Variants in EDIL3 observed in about 807,000 individuals in gnomAD.
The protein encoded by EDIL3 is EGF-like repeat and discoidin I-like domain-containing protein 3.
Under a neutral mutation model 67.4 loss-of-function variants are expected in EDIL3, and 37 were observed. The ratio of observed to expected loss-of-function variants is 0.55; its 90% CI spans 0.42 to 0.72. The LOEUF is 0.72. Ranked by LOEUF, EDIL3 falls within the 30% of genes least tolerant of loss-of-function variation. The pLI is 0.00. For missense variants in EDIL3, 527 were observed against 586.3 expected (o/e 0.90, Z 1.04); for synonymous variants, 195 against 196.3 (o/e 0.99, Z 0.05).
chr5:84,094,319 T>C (rs1235326473), intron 6 of EDIL3, among the ~76,000 whole-genome samples: 1 of 152,132 alleles, frequency 6.6e-6, no homozygotes, highest in Non-Finnish European at 1.5e-5. Context: ...GAAAAAGAAA[T>C]ATATTAATGT....
intron 3 of EDIL3, among the ~76,000 whole-genome samples, chr5:84,209,491 C>T (rs1237889443): frequency 6.6e-6 from 1 of 152,054 alleles, no homozygotes; most frequent in South Asian, 2.1e-4. Context: ...TTATTTAATA[C>T]CTTCCTTCTC....
At chr5:84,032,365 C>T (rs1745939049) in intron 9 of EDIL3, among the ~76,000 whole-genome samples, 1 of 152,150 alleles carries the variant, frequency 6.6e-6, no homozygotes, top group Non-Finnish European at 1.5e-5. Flanking sequence ...ACTATTAAAT[C>T]TTATTTGACA....
chr5:84,190,824 G>C (rs2112367547), intron 3 of EDIL3, among the ~76,000 whole-genome samples: 1 of 151,480 alleles, frequency 6.6e-6, no homozygotes, highest in East Asian at 1.9e-4. Flanking sequence ...GATCTCTTTT[G>C]TCTCCCTCAC....
chr5:84,208,339 C>A (rs1313280141), intron 3 of EDIL3, among the ~76,000 whole-genome samples: 1 of 152,084 alleles, frequency 6.6e-6, no homozygotes, highest in African/African-American at 2.4e-5. Flanking sequence ...AAATCAAAAC[C>A]ACAATGAGAT....
At chr5:84,076,791 C>T (rs1449089600) in intron 6 of EDIL3, among the ~76,000 whole-genome samples, 1 of 152,156 alleles carries the variant, frequency 6.6e-6, no homozygotes, top group Non-Finnish European at 1.5e-5. Flanking sequence ...AAGACAATAT[C>T]TGCCTGATAC....
chr5:84,104,948 G>C (rs141258724), intron 6 of EDIL3, among the ~76,000 whole-genome samples: 36 of 152,082 alleles, frequency 2.4e-4, no homozygotes, highest in African/African-American at 7.9e-4. Context: ...TGAAGCTCAC[G>C]AACATAATTT....
chr5:83,977,713 G>T (rs1332211769), intron 9 of EDIL3, among the ~76,000 whole-genome samples: 3 of 151,648 alleles, frequency 2.0e-5, no homozygotes, highest in Non-Finnish European at 1.5e-5. Context: ...GCATAAAGAT[G>T]TTTATATTAA....
At chr5:84,081,238 C>G (rs1036911804) in intron 6 of EDIL3, among the ~76,000 whole-genome samples, 4 of 152,096 alleles carry the variant, frequency 2.6e-5, no homozygotes, top group Admixed American at 2.0e-4. Flanking sequence ...CTCTTGGTAC[C>G]AGCTGTTAGA....
At chr5:84,121,907 C>A (rs1411183428) in intron 5 of EDIL3, among the ~76,000 whole-genome samples, 4 of 151,956 alleles carry the variant, frequency 2.6e-5, no homozygotes, top group African/African-American at 9.7e-5. Context: ...TAAATTCTTC[C>A]AAACAACAGT....
chr5:84,360,174 G>T (rs1183056275), intron 1 of EDIL3, among the ~76,000 whole-genome samples: 1 of 152,162 alleles, frequency 6.6e-6, no homozygotes, highest in East Asian at 1.9e-4. Flanking sequence ...ATTTGAAGGA[G>T]AGTGGTTAAA....
intron 9 of EDIL3, among the ~76,000 whole-genome samples, chr5:84,050,197 C>CAAAAAA (rs11335643): frequency 2.6e-4 from 16 of 60,820 alleles, no homozygotes; most frequent in East Asian, 4.8e-4. Context: ...AACTCCATCT[C>CAAAAAA]AAAAAAAAAA....
rs749580270 is a variant in EDIL3, at chr5:84,064,815, A to C, written c.837T>G (p.Thr279=). 4.0e-5 allele frequency: 65 copies of C among 1,612,662 alleles called. 1 individual carries two copies. In the Middle Eastern group the frequency reaches 6.6e-4, roughly 16 times the overall value. ...MVFRGNIDNN[T]PYANSFTPPI... The stretch of plus-strand genomic sequence containing the variant: ...GGGGTGTGAAAGAGTTAGCATATGG[A>C]GTGTTGTTATCAATGTTTCCACGAA... The change falls in exon 8 of 11, where the codon ACT becomes ACG. Residue 279 remains threonine (T), a synonymous_variant. Coordinates refer to ENST00000296591, the MANE Select transcript of EDIL3 (RefSeq NM_005711.5).
At chr5:83,970,481 T>C (rs1561389157) in intron 9 of EDIL3, among the ~76,000 whole-genome samples, 1 of 148,750 alleles carries the variant, frequency 6.7e-6, no homozygotes, top group East Asian at 2.0e-4. Context: ...ACTGTTTTCA[T>C]GATTGCATAT....
intron 9 of EDIL3, among the ~76,000 whole-genome samples, chr5:83,998,469 T>C (rs770128458): frequency 6.6e-6 from 1 of 152,156 alleles, no homozygotes; most frequent in East Asian, 1.9e-4. Context: ...CATTGGGTGA[T>C]ACCTAGTACC....
chr5:84,071,735 C>T (rs1037756182), intron 6 of EDIL3, among the ~76,000 whole-genome samples: 11 of 152,142 alleles, frequency 7.2e-5, no homozygotes, highest in Admixed American at 2.0e-4. Flanking sequence ...ATTCTAGAGA[C>T]GCAAGAAATA....
At chr5:84,172,289 A>C (rs1748825381) in intron 4 of EDIL3, among the ~76,000 whole-genome samples, 1 of 152,178 alleles carries the variant, frequency 6.6e-6, no homozygotes, top group Non-Finnish European at 1.5e-5. Context: ...CAGTTTTTGA[A>C]GTGAATTCTT....
chr5:84,103,657 C>T (rs1019738562), intron 6 of EDIL3, among the ~76,000 whole-genome samples: 12 of 151,850 alleles, frequency 7.9e-5, no homozygotes, highest in African/African-American at 2.4e-4. Flanking sequence ...GCAAATGAAA[C>T]CACAATTAGA....
intron 9 of EDIL3, among the ~76,000 whole-genome samples, chr5:84,042,292 T>C (rs1291656800): frequency 1.3e-5 from 2 of 152,058 alleles, no homozygotes; most frequent in Non-Finnish European, 2.9e-5. Context: ...TGGAAATTTT[T>C]TTTTTTTTGA....
At chr5:84,213,352 G>A (rs916437177) in intron 3 of EDIL3, among the ~76,000 whole-genome samples, 1 of 152,082 alleles carries the variant, frequency 6.6e-6, no homozygotes, top group African/African-American at 2.4e-5. Context: ...CTTGGTAGCT[G>A]AGTACTTGCA....
Sources: allele counts gnomAD v4.1 joint callset (sites outside exome capture counted in the v4.1 genomes callset), GRCh38; gene constraint gnomAD v4.1.1; transcripts MANE v1.5; gene names NCBI Gene and HGNC (gene_info 2026-07-23, HGNC 2026-07-21).